AASDH: variants seen among roughly 807,000 people sequenced by gnomAD.
AASDH encodes the protein aminoadipate-semialdehyde dehydrogenase, also known as beta-alanine-activating enzyme.
In AASDH, 81 loss-of-function variants were observed where a neutral mutation model predicts 102.3. That is an observed-to-expected ratio of 0.79 (90% CI 0.66 to 0.95). AASDH has a LOEUF of 0.95. Ranked by LOEUF, AASDH falls within the 40% of genes least tolerant of loss-of-function variation. The pLI is 0.00. For missense variants in AASDH, 1,203 were observed against 1,266.2 expected, an observed-to-expected ratio of 0.95 and a Z score of 0.76; for synonymous variants, 398 against 454.0, an observed-to-expected ratio of 0.88 and a Z score of 1.57.
chr4:56,363,675 G>T (rs1010639525), intron 5 of AASDH, among the ~76,000 whole-genome samples: 2 of 152,100 alleles, frequency 1.3e-5, no homozygotes, highest in Non-Finnish European at 2.9e-5. Context: ...ACTGTTGGAA[G>T]GAAAACTAAC....
At chr4:56,369,759 AC>A (rs1293631961) in intron 5 of AASDH, among the ~76,000 whole-genome samples, 1 of 151,740 alleles carries the variant, frequency 6.6e-6, no homozygotes, top group African/African-American at 2.4e-5. Context: ...GGCCATCATC[AC>A]AAAATGCTGT....
At chr4:56,369,415 A>G (rs1751430934) in intron 5 of AASDH, among the ~76,000 whole-genome samples, 1 of 152,202 alleles carries the variant, frequency 6.6e-6, no homozygotes, top group Non-Finnish European at 1.5e-5. Flanking sequence ...GATCCACAGA[A>G]TTCATGGAAT....
chr4:56,370,237 C>T (rs1050211277), intron 5 of AASDH, among the ~76,000 whole-genome samples: 1 of 151,782 alleles, frequency 6.6e-6, no homozygotes, highest in Non-Finnish European at 1.5e-5. Flanking sequence ...GTGGCGGGTG[C>T]CTGTAATCCC....
Position 56,353,538 on chromosome 4 carries a change from T to G in AASDH, c.1442A>C (p.Lys481Thr), listed in dbSNP as rs1431990273. The G allele has an allele frequency of 1.2e-6, 2 of 1,613,648 alleles. No individual in the cohort carries two copies. The change falls in exon 9 of 15, where the codon AAA (lysine) becomes ACA (threonine). Residue 481 changes from lysine to threonine, a missense_variant. By Grantham distance (78) the Lys-to-Thr change is moderately conservative. Coordinates refer to ENST00000205214, the MANE Select transcript of AASDH (RefSeq NM_181806.4). ...SCAVTWYNQE[K>T]LILFMVSKDA... ...TTTAGACACCATGAAGAGAATTAAT[T>G]TTTCCTGATTATACCATGTAACTGC...
At position 56,338,802 on chromosome 4, in the gene AASDH, T is replaced by TAATA; in HGVS notation, c.2908-15_2908-12dup. On this transcript the variant is annotated splice_polypyrimidine_tract_variant and intron_variant, in intron 14 of 14. Transcript: ENST00000205214. Reference sequence around the variant, plus strand: ...AGAGAACTGCCAAACCTATAACAAGTAATAAAAATAAATATAATTCATTCA... The same window carrying TAATA: ...AGAGAACTGCCAAACCTATAACAAGTAATAAATAAAAATAAATATAATTCATTCA... 1 of 1,606,896 alleles carries TAATA rather than the reference T, an allele frequency of 6.2e-7. No homozygotes were observed. The highest frequency in any genetic ancestry group is 8.5e-7 in the Non-Finnish European group (1 of 1,176,368).
chr4:56,353,563 C>T lies in AASDH; in HGVS notation c.1417G>A (p.Ala473Thr). ...AEELQQVESC[A>T]VTWYNQEKLI... ...TTTTCCTGATTATACCATGTAACTGCACAAGACTCCACTTGCTGAAGCTCT... is the reference window on the plus strand; with the variant it reads ...TTTTCCTGATTATACCATGTAACTGTACAAGACTCCACTTGCTGAAGCTCT... Residue 473 changes from alanine to threonine, a missense_variant, in exon 9 of 15, where the codon GCA becomes ACA. By Grantham distance (58) the Ala-to-Thr change is moderately conservative (BLOSUM62 0). Coordinates refer to ENST00000205214, the MANE Select transcript of AASDH (RefSeq NM_181806.4). 6.2e-7 allele frequency: 1 copy of T among 1,612,452 alleles called. No homozygotes were observed. Among genetic ancestry groups the T allele is most frequent in the South Asian group, 1.1e-5 (1 of 90,932 alleles).
At chr4:56,373,585 C>G (rs774630467) in intron 4 of AASDH, among the ~76,000 whole-genome samples, 1 of 152,112 alleles carries the variant, frequency 6.6e-6, no homozygotes, top group Non-Finnish European at 1.5e-5. Flanking sequence ...TCCTTCAGTT[C>G]AAAGTACTCA....
chr4:56,345,124 T>A lies in AASDH; in HGVS notation c.2652+3A>T. 1 of 1,613,646 alleles carries A rather than the reference T, an allele frequency of 6.2e-7. No homozygotes were observed. Among genetic ancestry groups the A allele is most frequent in the Non-Finnish European group, 8.5e-7 (1 of 1,179,784 alleles). On this transcript the variant is annotated splice_donor_region_variant and intron_variant, in intron 12 of 14. Coordinates refer to ENST00000205214, the MANE Select transcript of AASDH (RefSeq NM_181806.4). ...GCCCAGCTAATTTGAGGTCAATCCT[T>A]ACATAAATATCTAAAGCATATGCGT...
Position 56,349,313 on chromosome 4 carries a change from C to A in AASDH, c.2438G>T (p.Arg813Leu), listed in dbSNP as rs200919982. The change falls in exon 11 of 15, where the codon CGA becomes CTA. Residue 813 changes from arginine to leucine, a missense_variant. Arg to Leu is a moderately radical substitution (Grantham distance 102, BLOSUM62 -2). Coordinates refer to ENST00000205214, the MANE Select transcript of AASDH (RefSeq NM_181806.4). ...KVKWEQILGD[R>L]IESSACVSKC... ...AGATACACATGCTGAGGATTCAATT[C>A]GATCTCCCAAAATCTGTTCCCATTT... The A allele has an allele frequency of 3.7e-6, 6 of 1,614,168 alleles. No homozygotes were observed. The highest frequency in any genetic ancestry group is 3.3e-5 in the South Asian group (3 of 91,074).
rs1380838574 is a variant in AASDH at position 56,338,364 on chromosome 4, T to TATC, written c.*35_*37dup. 7 of 1,577,230 alleles carry TATC rather than the reference T, an allele frequency of 4.4e-6. No individual in the cohort carries two copies. Among genetic ancestry groups the TATC allele is most frequent in the Non-Finnish European group, 4.3e-6 (5 of 1,161,048 alleles). On this transcript the variant is annotated 3_prime_UTR_variant, in exon 15 of 15. Transcript: ENST00000205214. ...TGTATAATGGTAAAATATTTTCAAA[T>TATC]ATCTCACATTTGTTATACAAATAAG...
intron 14 of AASDH, among the ~76,000 whole-genome samples, chr4:56,342,629 A>T (rs1311962533): frequency 1.3e-5 from 2 of 152,080 alleles, no homozygotes; most frequent in East Asian, 3.8e-4. Context: ...TTCACAATTA[A>T]AATAGAACTA....
chr4:56,377,061 C>T (rs1458704570), intron 4 of AASDH, among the ~76,000 whole-genome samples: 1 of 92,066 alleles, frequency 1.1e-5, no homozygotes, highest in Non-Finnish European at 2.2e-5. Context: ...AGCGAGACTC[C>T]GTCTCAAAAA....
intron 1 of AASDH, among the ~76,000 whole-genome samples, chr4:56,386,171 GCT>G (rs1169937616): frequency 3.9e-5 from 6 of 152,024 alleles, no homozygotes; most frequent in Admixed American, 6.6e-5. Flanking sequence ...ATAAATATTA[GCT>G]CTTTTTAATG....
chr4:56,355,522 T>C, intron 5 of AASDH, 99 bp from the exon 6 acceptor site: 1 of 1,155,732 alleles, frequency 8.7e-7, no homozygotes, highest in East Asian at 2.6e-5. Flanking sequence ...GGAGCCCACA[T>C]GGAAATGAAG....
At position 56,349,710 on chromosome 4, in the gene AASDH, G is replaced by C; in HGVS notation, c.2041C>G (p.Leu681Val). 1 of 1,614,172 alleles carries C rather than the reference G, an allele frequency of 6.2e-7. No individual in the cohort carries two copies. ...CHNEINAFVV[L>V]SRGSQILSLN... is the part of the protein sequence containing the mutation. ...GACAAAATTTGACTCCCTCTGCTCAGTACAACAAAAGCATTAATCTCATTG... is the reference window on the plus strand; with the variant it reads ...GACAAAATTTGACTCCCTCTGCTCACTACAACAAAAGCATTAATCTCATTG... Residue 681 changes from leucine to valine, a missense_variant, in exon 11 of 15, where the codon CTG becomes GTG. Coordinates refer to ENST00000205214, the MANE Select transcript of AASDH (RefSeq NM_181806.4).
chr4:56,386,302 G>A (rs1271620760), intron 1 of AASDH, among the ~76,000 whole-genome samples: 1 of 152,148 alleles, frequency 6.6e-6, no homozygotes, highest in Non-Finnish European at 1.5e-5. Flanking sequence ...CAACATACAG[G>A]TAGCGCAGAA....
rs370016579 is a variant in AASDH, at chr4:56,338,812, A to AAAT, written c.2908-24_2908-22dup. On this transcript the variant is annotated intron_variant, in intron 14 of 14. Transcript: ENST00000205214. The stretch of plus-strand genomic sequence containing the variant: ...CAAACCTATAACAAGTAATAAAAAT[A>AAAT]AATATAATTCATTCATCTAATTGCT... 3,075 of 1,599,690 alleles carry AAAT rather than the reference A, an allele frequency of 1.9e-3. 16 individuals are homozygous for AAAT. Among genetic ancestry groups the AAAT allele is most frequent in the South Asian group, 0.013 (1,150 of 89,244 alleles).
intron 2 of AASDH, 58 bp from the exon 3 acceptor site, chr4:56,382,655 G>A: frequency 6.5e-7 from 1 of 1,550,036 alleles, no homozygotes; most frequent in Non-Finnish European, 8.7e-7. Flanking sequence ...ATTTGTTTAA[G>A]CATTTCTATT....
At chr4:56,371,759 T>C in intron 4 of AASDH, 116 bp from the exon 5 acceptor site, 1 of 987,330 alleles carries the variant, frequency 1.0e-6, no homozygotes, top group Non-Finnish European at 1.4e-6. Context: ...CCAGATTTTA[T>C]TCTTCTCTCT....
Sources: allele counts gnomAD v4.1 joint callset (sites outside exome capture counted in the v4.1 genomes callset), GRCh38; gene constraint gnomAD v4.1.1; transcripts MANE v1.5; gene names NCBI Gene and HGNC (gene_info 2026-07-23, HGNC 2026-07-21).